RP9: variants seen among roughly 807,000 people sequenced by gnomAD.
RP9 encodes the protein retinitis pigmentosa 9 protein.
A neutral mutation model predicts 32.6 loss-of-function variants in RP9; 23 were observed. The observed-to-expected ratio is 0.71, with a 90% confidence interval of 0.51 to 1.00. The LOEUF (loss-of-function observed/expected upper bound fraction) is 1.00. Among genes scored for constraint, RP9 ranks in the 50% least tolerant of loss-of-function variants. The probability of loss-of-function intolerance (pLI) is 0.00; values close to 1 mark genes in which losing one functional copy is unlikely to be tolerated. For synonymous variants in RP9, 94 were observed against 103.6 expected, an observed-to-expected ratio of 0.91 and a Z score of 0.56; for missense variants, 245 against 285.3, an observed-to-expected ratio of 0.86 and a Z score of 1.02.
Position 33,099,399 on chromosome 7 carries a change from A to T in RP9, c.221T>A (p.Val74Glu). 1 of 1,613,430 alleles carries T rather than the reference A, an allele frequency of 6.2e-7. No homozygotes were observed. Among genetic ancestry groups the T allele is most frequent in the Non-Finnish European group, 8.5e-7 (1 of 1,179,930 alleles). The change falls in exon 3 of 6, where the codon GTA becomes GAA. Residue 74 changes from valine to glutamate, a missense_variant. Transcript: ENST00000297157. ...TTCCCTGGCGTGTTCATTGCCTGGTACATCTGGTATGCAATCTTCTGGCTT... is the reference window on the plus strand; with the variant it reads ...TTCCCTGGCGTGTTCATTGCCTGGTTCATCTGGTATGCAATCTTCTGGCTT... ...ETKPEDCIPD[V>E]PGNEHAREFL... is the part of the protein sequence containing the mutation.
At chr7:33,107,559 C>T (rs1278467217) in intron 1 of RP9, among the ~76,000 whole-genome samples, 3 of 152,178 alleles carry the variant, frequency 2.0e-5, no homozygotes, top group Non-Finnish European at 4.4e-5. Flanking sequence ...CAGGACTGCC[C>T]TGTAACATGG....
At chr7:33,099,203 T>G in intron 3 of RP9, 104 bp downstream of exon 3, 1 of 1,343,786 alleles carries the variant, frequency 7.4e-7, no homozygotes, top group Non-Finnish European at 1.1e-6. Context: ...GTGCCTTGGC[T>G]GTAAGAGGGC....
chr7:33,104,682 A>G (rs2128033480), intron 1 of RP9, among the ~76,000 whole-genome samples: 1 of 152,196 alleles, frequency 6.6e-6, no homozygotes, highest in Middle Eastern at 3.4e-3. Context: ...TGTTGTTACT[A>G]TTTTCCTCCT....
At chr7:33,097,165 T>G (rs1214652348) in intron 4 of RP9, 106 bp downstream of exon 4, 9 of 844,858 alleles carry the variant, frequency 1.1e-5, no homozygotes, top group African/African-American at 3.3e-5. Flanking sequence ...AAAGGGCTTC[T>G]GGGAATGTAT....
At chr7:33,099,007 G>C (rs1367794579) in intron 3 of RP9, 1 of 472,932 alleles carries the variant, frequency 2.1e-6, no homozygotes, top group African/African-American at 2.0e-5. Flanking sequence ...ATTCTGGGTG[G>C]CCTAAACAAC....
rs1026302415 is a variant in RP9 at position 33,109,106 on chromosome 7, C to T, written c.152+115G>A. 4.3e-6 allele frequency: 6 copies of T among 1,380,888 alleles called. No individual in the cohort carries two copies. Among genetic ancestry groups the T allele is most frequent in the East Asian group, 3.3e-5 (1 of 30,108 alleles). The allele number at this position is 1,380,888 out of a possible 1,614,324, so 85.5% of individuals were successfully genotyped here. ...CCAGGCTCCTGCCGGGCCCAGCCCC[C>T]CTGCCTGCTCGCGGGGGCTCGGAGG... is the stretch of plus-strand genomic sequence containing the variant. On this transcript the variant is annotated intron_variant, in intron 1 of 5. Transcript: ENST00000297157. This position sits in a 1 kb window ranked among gnomAD's most constrained non-coding sequence, Gnocchi z 4.9.
intron 3 of RP9, among the ~76,000 whole-genome samples, chr7:33,098,860 C>T (rs3915352): frequency 0.84 from 128,099 of 152,184 alleles, 54,424 homozygotes; most frequent in African/African-American, 0.96. Context: ...GGATTTGTTA[C>T]ACCATAAGGA....
Position 33,109,094 on chromosome 7 carries a change from G to C in RP9, c.152+127C>G. On this transcript the variant is annotated intron_variant, in intron 1 of 5. Transcript: ENST00000297157. The surrounding 1 kb of genome is among the most constrained non-coding windows in gnomAD (Gnocchi z 4.9). Reference sequence around the variant, plus strand: ...CGGTCGCCCGCACCAGGCTCCTGCCGGGCCCAGCCCCCCTGCCTGCTCGCG... The same window carrying C: ...CGGTCGCCCGCACCAGGCTCCTGCCCGGCCCAGCCCCCCTGCCTGCTCGCG... 3.8e-6 allele frequency: 5 copies of C among 1,318,702 alleles called. No individual in the cohort carries two copies. Among genetic ancestry groups the C allele is most frequent in the Non-Finnish European group, 3.9e-6 (4 of 1,033,860 alleles). 81.7% of individuals were successfully genotyped at this position (1,318,702 alleles called of 1,614,324 possible).
chr7:33,102,957 GAA>G, intron 1 of RP9, among the ~76,000 whole-genome samples: 1 of 152,302 alleles, frequency 6.6e-6, no homozygotes, highest in African/African-American at 2.4e-5. Flanking sequence ...CATCAGGGAT[GAA>G]AAGATTTGAA....
chr7:33,108,668 C>T (rs1788536092), intron 1 of RP9, among the ~76,000 whole-genome samples: 1 of 152,190 alleles, frequency 6.6e-6, no homozygotes, highest in Non-Finnish European at 1.5e-5. Flanking sequence ...CTTTATTCAC[C>T]ATACATTTCC....
Position 33,104,976 on chromosome 7 carries a change from A to G in RP9, c.152+4245T>C, listed in dbSNP as rs562476012. ...ACATCTTCAGATATGCAAGGTGTCA[A>G]AAACTTTACCTCCAATGCACTCTTT... On this transcript the variant is annotated intron_variant, in intron 1 of 5. Coordinates refer to ENST00000297157, the MANE Select transcript of RP9 (RefSeq NM_203288.2). Among the ~76,000 whole-genome samples, 4 of 152,304 alleles carry G rather than the reference A, an allele frequency of 2.6e-5. 1 individual carries two copies. The South Asian group carries it at 8.3e-4, about 32-fold the overall frequency.
In RP9 at chr7:33,095,319, T is replaced by C; in HGVS notation, c.581A>G (p.His194Arg). 1.2e-6 allele frequency: 2 copies of C among 1,612,208 alleles called. No homozygotes were observed. Among genetic ancestry groups the C allele is most frequent in the Non-Finnish European group, 1.7e-6 (2 of 1,179,514 alleles). ...KHKKKKKKEKHKKRKKEKKKK... is the reference protein window; with the variant it reads ...KHKKKKKKEKRKKRKKEKKKK... ...TTTCTTTTCTTTCTTCCTTTTCTTA[T>C]GCTTTTCTTTCTTCTTCTTTTTCTT... The change falls in exon 6 of 6, where the codon CAT (histidine) becomes CGT (arginine). Residue 194 changes from histidine (H) to arginine (R), a missense_variant. By Grantham distance (29) the His-to-Arg change is conservative. Transcript: ENST00000297157.
chr7:33,100,044 G>C (rs1260317509), intron 2 of RP9: 3 of 174,502 alleles, frequency 1.7e-5, no homozygotes, highest in African/African-American at 7.2e-5. Flanking sequence ...TCTTGGCCGT[G>C]GCCTGCCACT....
intron 3 of RP9, chr7:33,098,978 T>C: frequency 2.4e-6 from 1 of 413,950 alleles, no homozygotes; most frequent in Middle Eastern, 7.6e-4. Context: ...CAGCTCGGGC[T>C]GACATAACAA....
At chr7:33,102,874 C>T (rs779352818) in intron 1 of RP9, among the ~76,000 whole-genome samples, 3 of 152,286 alleles carry the variant, frequency 2.0e-5, no homozygotes, top group South Asian at 2.1e-4. Context: ...GTGGAAGCCT[C>T]GGATGCCCTC....
rs758482137 is a variant in RP9 at position 33,100,512 on chromosome 7, G to A, written c.183+19C>T. On this transcript the variant is annotated intron_variant, in intron 2 of 5. Coordinates refer to ENST00000297157, the MANE Select transcript of RP9 (RefSeq NM_203288.2). ...AGTATGTCTTGTGGAATAACCAAGA[G>A]TACAAACTTCACACTAACCTTGATA... 1.9e-6 allele frequency: 3 copies of A among 1,607,502 alleles called. No homozygotes were observed. The highest frequency in any genetic ancestry group is 1.1e-5 in the South Asian group (1 of 90,936).
chr7:33,104,880 C>A (rs1008596487), intron 1 of RP9, among the ~76,000 whole-genome samples: 1 of 152,084 alleles, frequency 6.6e-6, no homozygotes, highest in Non-Finnish European at 1.5e-5. Context: ...CATGCCCAGC[C>A]CCAAAATGAT....
At chr7:33,095,878 C>T (rs1270608516) in intron 5 of RP9, among the ~76,000 whole-genome samples, 1 of 151,956 alleles carries the variant, frequency 6.6e-6, no homozygotes, top group Non-Finnish European at 1.5e-5. Flanking sequence ...GTCACCTAGG[C>T]TGGAGTGCAG....
intron 5 of RP9, 71 bp from the exon 6 acceptor site, chr7:33,095,503 T>A: frequency 6.3e-7 from 1 of 1,599,152 alleles, no homozygotes; most frequent in South Asian, 1.1e-5. Flanking sequence ...TAGATAAATA[T>A]GTCATTCAAA....
Sources: gnomAD v4.1 joint callset for allele counts (sites outside exome capture counted in the v4.1 genomes callset) on GRCh38, gnomAD v4.1.1 for gene constraint, Gnocchi (gnomAD v3.1) non-coding constraint, MANE v1.5 for transcripts, NCBI Gene and HGNC (gene_info 2026-07-23, HGNC 2026-07-21) for gene names.